The following RBFOX1 variants were observed in gnomAD, a reference collection of about 807,000 sequenced individuals.
RBFOX1 encodes RNA binding fox-1 homolog 1, also known as RNA binding protein fox-1 homolog 1.
Under a neutral mutation model 57.7 loss-of-function variants are expected in RBFOX1, and 8 were observed. That is an observed-to-expected ratio of 0.14 (90% CI 0.08 to 0.25). The LOEUF is 0.25. Ranked by LOEUF, RBFOX1 falls within the 10% of genes least tolerant of loss-of-function variation. The probability of loss-of-function intolerance (pLI) is 1.00; values close to 1 mark genes in which losing one functional copy is unlikely to be tolerated. For synonymous variants in RBFOX1, 326 were observed against 222.4 expected (o/e 1.47, Z -4.15); for missense variants, 611 against 548.5 (o/e 1.11, Z -1.14).
At position 6,977,947 on chromosome 16, in the gene RBFOX1, A is replaced by AAAAATAAAT. The variant is rs57981662; in HGVS notation, c.-15-74106_-15-74105insTAAATAAAA. On this transcript the variant is annotated intron_variant, in intron 3 of 15. Transcript: ENST00000550418. The stretch of plus-strand genomic sequence containing the variant: ...TCCAGCCTCCCCAGGGAAAAAAAAA[A>AAAAATAAAT]AAAAGGCAAACCTCCTTTCCCAATG... Among the ~76,000 whole-genome samples, 1,393 of 146,000 alleles carry AAAAATAAAT rather than the reference A, an allele frequency of 9.5e-3. 19 individuals are homozygous for AAAAATAAAT. Among genetic ancestry groups the AAAAATAAAT allele is most frequent in the Non-Finnish European group, 0.016 (1,049 of 66,778 alleles).
intron 5 of RBFOX1, among the ~76,000 whole-genome samples, chr16:7,566,045 A>G (rs576109218): frequency 6.6e-6 from 1 of 152,266 alleles, no homozygotes; most frequent in African/African-American, 2.4e-5. Flanking sequence ...CTTTTGATAT[A>G]GTGCATCTGA....
At position 5,802,033 on chromosome 16, in the gene RBFOX1, C is replaced by T. The variant is rs143244985; in HGVS notation, c.319-65270C>T. ...TCGCTGGAGGAAGAGGAGACCTTGA[C>T]GGGGCCTCTTTATAGATTAAATCTG... On this transcript the variant is annotated intron_variant, in intron 3 of 19. Coordinates refer to the RBFOX1 transcript ENST00000641259. 6.7e-3 allele frequency among the ~76,000 whole-genome samples: 1,017 copies of T among 152,168 alleles called. 6 individuals carry two copies. Among genetic ancestry groups the T allele is most frequent in the East Asian group, 0.011 (59 of 5,166 alleles).
chr16:5,547,302 A>G (rs564656701), intron 2 of RBFOX1, among the ~76,000 whole-genome samples: 1 of 152,240 alleles, frequency 6.6e-6, no homozygotes, highest in Non-Finnish European at 1.5e-5. Flanking sequence ...ACACATGTGC[A>G]TGAACATTGA....
At chr16:6,115,864 A>G (rs530055635) in intron 1 of RBFOX1, among the ~76,000 whole-genome samples, 1 of 152,276 alleles carries the variant, frequency 6.6e-6, no homozygotes, top group East Asian at 1.9e-4. Context: ...TGACCCACAC[A>G]GATTTGTTAA....
intron 4 of RBFOX1, among the ~76,000 whole-genome samples, chr16:5,878,690 G>T (rs1196311884): frequency 6.9e-6 from 1 of 145,816 alleles, no homozygotes; most frequent in Non-Finnish European, 1.5e-5. Context: ...AATGACAATC[G>T]GGGTCGAAAA....
chr16:5,928,699 AT>A (rs2058986213), intron 4 of RBFOX1, among the ~76,000 whole-genome samples: 3 of 148,488 alleles, frequency 2.0e-5, no homozygotes, highest in African/African-American at 2.5e-5. Context: ...CTTCTGCCCA[AT>A]AAAAAAAAAA....
At chr16:5,910,398 A>G (rs1456326116) in intron 4 of RBFOX1, among the ~76,000 whole-genome samples, 1 of 152,220 alleles carries the variant, frequency 6.6e-6, no homozygotes, top group Non-Finnish European at 1.5e-5. Context: ...TCCCTTCTTC[A>G]GCTCAGAATG....
chr16:5,327,082 T>C (rs1334605991), intron 1 of RBFOX1, among the ~76,000 whole-genome samples: 5 of 152,196 alleles, frequency 3.3e-5, no homozygotes, highest in Admixed American at 3.3e-4. Context: ...AGGAGATCGG[T>C]AGTTCTGACC....
At chr16:6,711,350 C>G (rs2063680034) in intron 3 of RBFOX1, among the ~76,000 whole-genome samples, 1 of 152,172 alleles carries the variant, frequency 6.6e-6, no homozygotes, top group Admixed American at 6.5e-5. Flanking sequence ...TCCCCACATT[C>G]TGGTCCCTAC....
At chr16:6,620,996 C>G (rs991711073) in intron 2 of RBFOX1, among the ~76,000 whole-genome samples, 1 of 152,182 alleles carries the variant, frequency 6.6e-6, no homozygotes, top group Non-Finnish European at 1.5e-5. Flanking sequence ...AGGGTTGATT[C>G]CTACTAGAGG....
intron 1 of RBFOX1, among the ~76,000 whole-genome samples, chr16:6,142,359 C>G (rs972537417): frequency 1.3e-5 from 2 of 151,360 alleles, no homozygotes. Flanking sequence ...GTAGCTGGGA[C>G]TACAGGCGCC....
At chr16:6,956,137 C>T (rs758751341) in intron 3 of RBFOX1, among the ~76,000 whole-genome samples, 6 of 152,206 alleles carry the variant, frequency 3.9e-5, no homozygotes, top group Middle Eastern at 3.4e-3. Flanking sequence ...TAAATGGGAC[C>T]TGGACAGATT....
chr16:5,903,069 C>G (rs1364323253), intron 4 of RBFOX1, among the ~76,000 whole-genome samples: 1 of 152,008 alleles, frequency 6.6e-6, no homozygotes, highest in African/African-American at 2.4e-5. Flanking sequence ...CCTGAGCCGA[C>G]TTACTGTTTG....
chr16:6,512,418 T>C (rs2096274475), intron 2 of RBFOX1, among the ~76,000 whole-genome samples: 1 of 152,100 alleles, frequency 6.6e-6, no homozygotes, highest in African/African-American at 2.4e-5. Context: ...AGGGAATGCG[T>C]TGCATTCAGG....
chr16:6,947,012 A>C (rs560522528), intron 3 of RBFOX1, among the ~76,000 whole-genome samples: 5 of 152,324 alleles, frequency 3.3e-5, no homozygotes, highest in African/African-American at 1.2e-4. Context: ...TGGGTTGAGC[A>C]AGTCCCTTCA....
chr16:7,322,660 A>G (rs896796550), intron 4 of RBFOX1, among the ~76,000 whole-genome samples: 1 of 152,122 alleles, frequency 6.6e-6, no homozygotes, highest in Admixed American at 6.5e-5. Flanking sequence ...GAGTGGTCCA[A>G]TTTCAGAGTG....
intron 3 of RBFOX1, among the ~76,000 whole-genome samples, chr16:5,709,081 A>G (rs912915253): frequency 6.6e-6 from 1 of 152,208 alleles, no homozygotes; most frequent in Non-Finnish European, 1.5e-5. Context: ...GAGTCATCAC[A>G]TTCTACTCTT....
At chr16:6,085,215 A>G (rs1402932911) in intron 1 of RBFOX1, among the ~76,000 whole-genome samples, 1 of 151,970 alleles carries the variant, frequency 6.6e-6, no homozygotes, top group Admixed American at 6.6e-5. Context: ...CTTTCACGTG[A>G]CTTTTGGTTA....
At chr16:6,996,266 T>C (rs1045266360) in intron 3 of RBFOX1, among the ~76,000 whole-genome samples, 4 of 152,192 alleles carry the variant, frequency 2.6e-5, no homozygotes, top group Non-Finnish European at 5.9e-5. Context: ...ATAAATACAA[T>C]GATATTGAGT....
Sources: allele counts gnomAD v4.1 joint callset (sites outside exome capture counted in the v4.1 genomes callset), GRCh38; gene constraint gnomAD v4.1.1; transcripts MANE v1.5; gene names NCBI Gene and HGNC (gene_info 2026-07-23, HGNC 2026-07-21).